Variants in RBPMS2 observed in about 807,000 individuals in gnomAD.
The protein encoded by RBPMS2 is RNA binding protein, mRNA processing factor 2.
A neutral mutation model predicts 25.7 loss-of-function variants in RBPMS2; 14 were observed. The observed-to-expected ratio is 0.55, with a 90% CI of 0.36 to 0.85. The LOEUF (loss-of-function observed/expected upper bound fraction) is 0.85. RBPMS2 is among the 40% of genes least tolerant of loss of function. The pLI, the probability that RBPMS2 is intolerant of heterozygous loss-of-function variation, is 0.01. For synonymous variants in RBPMS2, 127 were observed against 115.6 expected (o/e 1.10, Z -0.63); for missense variants, 252 against 283.4 (o/e 0.89, Z 0.80).
chr15:64,764,133 A>G (rs1277138648), intron 1 of RBPMS2, among the ~76,000 whole-genome samples: 1 of 152,188 alleles, frequency 6.6e-6, no homozygotes, highest in Non-Finnish European at 1.5e-5. Flanking sequence ...TTTCAGGGGC[A>G]AAGTTCACTG....
chr15:64,746,876 C>A (rs948745444), intron 6 of RBPMS2, among the ~76,000 whole-genome samples: 5 of 152,178 alleles, frequency 3.3e-5, no homozygotes, highest in Non-Finnish European at 7.3e-5. Context: ...AGGTGAGAAG[C>A]CCAGTGAGGT....
chr15:64,765,886 A>T (rs1464650278), intron 1 of RBPMS2, among the ~76,000 whole-genome samples: 5 of 151,806 alleles, frequency 3.3e-5, no homozygotes, highest in African/African-American at 1.2e-4. Context: ...CCAGCTACTC[A>T]GGAGGCTGAG....
At chr15:64,769,598 T>G (rs1025409702) in intron 1 of RBPMS2, among the ~76,000 whole-genome samples, 2 of 151,684 alleles carry the variant, frequency 1.3e-5, no homozygotes, top group African/African-American at 4.9e-5. Context: ...AGGCAGAGCT[T>G]GCAGTGAGCT....
intron 1 of RBPMS2, among the ~76,000 whole-genome samples, chr15:64,752,831 C>G (rs1242432982): frequency 6.6e-6 from 1 of 152,096 alleles, no homozygotes; most frequent in East Asian, 1.9e-4. Context: ...ACGCTGGTCT[C>G]GAACTCCTGA....
Position 64,748,551 on chromosome 15 carries a change from A to G in RBPMS2, c.435T>C (p.Ala145=). ...CCTCTGGGGATGCAGGGATCAGAGC[A>G]GCCCCCATCAGGTCATCTACAACAG... ...IARDPYDLMG[A]ALIPASPEAW... is the part of the protein sequence containing the mutation. The change falls in exon 6 of 8, where the codon GCT becomes GCC. Residue 145 remains alanine (A), a synonymous_variant. Transcript: ENST00000300069. The G allele has an allele frequency of 1.3e-6, 2 of 1,567,576 alleles. No homozygotes were observed. Among genetic ancestry groups the G allele is most frequent in the Non-Finnish European group, 8.6e-7 (1 of 1,158,198 alleles).
chr15:64,750,600 C>T (rs1405996553), intron 2 of RBPMS2, among the ~76,000 whole-genome samples: 1 of 152,248 alleles, frequency 6.6e-6, no homozygotes, highest in Non-Finnish European at 1.5e-5. Context: ...CGCGGCAGCA[C>T]TCATCACTTC....
intron 1 of RBPMS2, among the ~76,000 whole-genome samples, chr15:64,765,044 G>A (rs1457914429): frequency 6.6e-6 from 1 of 151,372 alleles, no homozygotes; most frequent in African/African-American, 2.4e-5. Flanking sequence ...GGCCAACATG[G>A]TGAAACCCCG....
intron 1 of RBPMS2, among the ~76,000 whole-genome samples, chr15:64,762,814 G>GC (rs1414676255): frequency 4.6e-5 from 7 of 152,134 alleles, no homozygotes; most frequent in Non-Finnish European, 1.0e-4. Flanking sequence ...ATAAGACTCA[G>GC]CCACCATCCT....
intron 1 of RBPMS2, 121 bp from the exon 2 acceptor site, chr15:64,751,759 G>T: frequency 1.4e-6 from 1 of 718,638 alleles, no homozygotes; most frequent in Non-Finnish European, 2.4e-6. Flanking sequence ...AGCCTTTCCT[G>T]GGCCTCCTTG....
At chr15:64,770,825 T>G (rs1191114709) in intron 1 of RBPMS2, among the ~76,000 whole-genome samples, 1 of 151,988 alleles carries the variant, frequency 6.6e-6, no homozygotes, top group Non-Finnish European at 1.5e-5. Flanking sequence ...AAGCACCTGT[T>G]CACCCACATC....
intron 1 of RBPMS2, among the ~76,000 whole-genome samples, chr15:64,763,704 G>A (rs1050838057): frequency 6.6e-6 from 1 of 152,150 alleles, no homozygotes; most frequent in Non-Finnish European, 1.5e-5. Flanking sequence ...CAAGTGCCTG[G>A]CTGGCCAGTG....
chr15:64,747,563 G>A (rs902214144), intron 6 of RBPMS2, among the ~76,000 whole-genome samples: 53 of 152,170 alleles, frequency 3.5e-4, no homozygotes, highest in Non-Finnish European at 7.3e-5. Context: ...GCCCCTTCCT[G>A]TGGCTGCCTG....
intron 1 of RBPMS2, among the ~76,000 whole-genome samples, chr15:64,751,969 T>C (rs1190287074): frequency 1.1e-4 from 17 of 150,860 alleles, no homozygotes; most frequent in Admixed American, 6.6e-5. Flanking sequence ...TTTTTTTTTT[T>C]CTTTTTTTTT....
At chr15:64,744,142 A>G (rs1456035771) in intron 6 of RBPMS2, among the ~76,000 whole-genome samples, 1 of 151,326 alleles carries the variant, frequency 6.6e-6, no homozygotes, top group East Asian at 1.9e-4. Context: ...AGAGAAAGGA[A>G]AAAAAAAAGA....
chr15:64,760,718 C>G (rs2083775671), intron 1 of RBPMS2, among the ~76,000 whole-genome samples: 1 of 151,930 alleles, frequency 6.6e-6, no homozygotes, highest in South Asian at 2.1e-4. Context: ...GGAGAAATCG[C>G]TTGAACCCAG....
intron 6 of RBPMS2, among the ~76,000 whole-genome samples, chr15:64,742,720 G>C (rs1011323093): frequency 1.3e-5 from 2 of 152,188 alleles, no homozygotes; most frequent in African/African-American, 2.4e-5. Flanking sequence ...CTCAGGAAGG[G>C]AAGGGGCAGC....
intron 1 of RBPMS2, among the ~76,000 whole-genome samples, chr15:64,759,766 G>A (rs138688662): frequency 4.5e-4 from 69 of 152,196 alleles, no homozygotes; most frequent in African/African-American, 1.6e-3. Flanking sequence ...TCTACTTCCC[G>A]TGTTCAAGCG....
rs747849034 is a variant in RBPMS2 at position 64,748,527 on chromosome 15, C to A, written c.459G>T (p.Glu153Asp). The A allele has an allele frequency of 6.2e-7, 1 of 1,605,178 alleles. No homozygotes were observed. Among genetic ancestry groups the A allele is most frequent in the East Asian group, 2.2e-5 (1 of 44,670 alleles). The change falls in exon 6 of 8, where the codon GAG (glutamate) becomes GAT (aspartate). Residue 153 changes from glutamate to aspartate, a missense_variant. Coordinates refer to ENST00000300069, the MANE Select transcript of RBPMS2 (RefSeq NM_194272.3). ...TGTACAAAGGGTAGGGGGCCCAGGC[C>A]TCTGGGGATGCAGGGATCAGAGCAG... is the stretch of plus-strand genomic sequence containing the variant. The part of the protein sequence containing the change: ...MGAALIPASP[E>D]AWAPYPLYTT...
intron 3 of RBPMS2, 71 bp downstream of exon 3, chr15:64,750,272 T>G (rs1445546025): frequency 7.5e-7 from 1 of 1,341,818 alleles, no homozygotes; most frequent in Admixed American, 1.7e-5. Context: ...AGGGAAGGGT[T>G]AACGGGCCCT....
Sources: gnomAD v4.1 joint callset for allele counts (sites outside exome capture counted in the v4.1 genomes callset) on GRCh38, gnomAD v4.1.1 for gene constraint, MANE v1.5 for transcripts, NCBI Gene and HGNC (gene_info 2026-07-23, HGNC 2026-07-21) for gene names.